MAP3K5: variants seen among roughly 807,000 people sequenced by gnomAD.
MAP3K5 encodes the protein ASK-1.
In MAP3K5, 56 loss-of-function variants were observed where a neutral mutation model predicts 158.7. That is an observed-to-expected ratio of 0.35 (90% confidence interval 0.28 to 0.44). The LOEUF is 0.44. Among genes scored for constraint, MAP3K5 ranks in the 20% least tolerant of loss-of-function variants. The probability of loss-of-function intolerance (pLI) is 1.00; values close to 1 mark genes in which losing one functional copy is unlikely to be tolerated. For synonymous variants in MAP3K5, 579 were observed against 601.7 expected (o/e 0.96, Z 0.55); for missense variants, 1,294 against 1,674.8 (o/e 0.77, Z 3.97).
At chr6:136,654,731 T>C (rs1778669519) in intron 10 of MAP3K5, among the ~76,000 whole-genome samples, 1 of 152,124 alleles carries the variant, frequency 6.6e-6, no homozygotes, top group Non-Finnish European at 1.5e-5. Flanking sequence ...CAAGTATAAG[T>C]CCTCATGCCT....
chr6:136,668,392 T>C (rs1405494482), intron 8 of MAP3K5, among the ~76,000 whole-genome samples: 1 of 150,600 alleles, frequency 6.6e-6, no homozygotes, highest in Non-Finnish European at 1.5e-5. Flanking sequence ...TCCAAAAAAA[T>C]TTTTCTTTTA....
At chr6:136,641,764 G>A (rs1360388157) in intron 12 of MAP3K5, among the ~76,000 whole-genome samples, 3 of 151,324 alleles carry the variant, frequency 2.0e-5, no homozygotes, top group African/African-American at 4.9e-5. Flanking sequence ...CTACACGGGC[G>A]GATCACTGAG....
intron 6 of MAP3K5, 29 bp downstream of exon 6, chr6:136,695,922 C>A (rs1418744767): frequency 7.5e-7 from 1 of 1,325,984 alleles, no homozygotes; most frequent in East Asian, 2.3e-5. Flanking sequence ...TATGTTAACG[C>A]ATTCTGGAAG....
intron 26 of MAP3K5, among the ~76,000 whole-genome samples, chr6:136,563,839 G>A (rs1172077821): frequency 6.6e-6 from 1 of 152,158 alleles, no homozygotes; most frequent in African/African-American, 2.4e-5. Context: ...ATAAATCGTT[G>A]CATAAACTAC....
rs1776056117 is a variant in MAP3K5, at chr6:136,605,336, A to G, written c.2552T>C (p.Ile851Thr). 1 of 1,613,798 alleles carries G rather than the reference A, an allele frequency of 6.2e-7. No individual in the cohort carries two copies. The highest frequency in any genetic ancestry group is 8.5e-7 in the Non-Finnish European group (1 of 1,179,942). ...GTLQYMAPEIIDKGPRGYGKA... is the reference protein window; with the variant it reads ...GTLQYMAPEITDKGPRGYGKA... ...TCCGTAGCCTCTTGGTCCTTTATCT[A>G]TTATTTCTGGTGCCATATACTGGAG... Residue 851 changes from isoleucine (I) to threonine (T), a missense_variant, in exon 19 of 30, where the codon ATA (isoleucine) becomes ACA (threonine). Transcript: ENST00000359015.
At chr6:136,631,006 G>A (rs567190435) in intron 14 of MAP3K5, among the ~76,000 whole-genome samples, 1 of 152,278 alleles carries the variant, frequency 6.6e-6, no homozygotes, top group African/African-American at 2.4e-5. Flanking sequence ...GGCTGAGGTG[G>A]GAGGATCGCT....
At chr6:136,753,883 G>A (rs533934787) in intron 1 of MAP3K5, among the ~76,000 whole-genome samples, 33 of 152,372 alleles carry the variant, frequency 2.2e-4, no homozygotes, top group African/African-American at 7.7e-4. Context: ...AAGGGAGAAC[G>A]CAGCCCTGCT....
At chr6:136,779,441 T>TTA (rs1784524536) in intron 1 of MAP3K5, among the ~76,000 whole-genome samples, 2 of 43,012 alleles carry the variant, frequency 4.6e-5, no homozygotes, top group African/African-American at 2.2e-4. Context: ...ACACCCTGTC[T>TTA]CAAAAAAAAA....
chr6:136,574,683 CTTTTTTTTTT>C (rs1223054758), intron 25 of MAP3K5, among the ~76,000 whole-genome samples: 2 of 108,550 alleles, frequency 1.8e-5, no homozygotes, highest in African/African-American at 3.7e-5. Flanking sequence ...AGATTAAACA[CTTTTTTTTTT>C]TTTTTTTTTT....
At chr6:136,600,150 C>A (rs567831241) in intron 21 of MAP3K5, among the ~76,000 whole-genome samples, 1 of 151,792 alleles carries the variant, frequency 6.6e-6, no homozygotes, top group African/African-American at 2.4e-5. Flanking sequence ...TGATCAACCA[C>A]ACATCCAACT....
intron 8 of MAP3K5, among the ~76,000 whole-genome samples, chr6:136,661,387 G>C (rs894689651): frequency 6.6e-6 from 1 of 152,044 alleles, no homozygotes; most frequent in Admixed American, 6.6e-5. Context: ...TCTTCTATCT[G>C]GATATAATTT....
intron 1 of MAP3K5, among the ~76,000 whole-genome samples, chr6:136,762,131 A>G (rs1286277425): frequency 2.6e-5 from 4 of 152,232 alleles, no homozygotes; most frequent in Non-Finnish European, 5.9e-5. Flanking sequence ...TAATTTTAGC[A>G]GAGAACAACA....
At chr6:136,791,638 A>C in intron 1 of MAP3K5, 72 bp downstream of exon 1, 1 of 1,522,110 alleles carries the variant, frequency 6.6e-7, no homozygotes, top group Non-Finnish European at 9.0e-7. Context: ...CAGAAAAATG[A>C]AATGCCCCGA....
At position 136,562,485 on chromosome 6, in the gene MAP3K5, A is replaced by C. The variant is rs761405108; in HGVS notation, c.3874+18T>G. 2 of 1,389,038 alleles carry C rather than the reference A, an allele frequency of 1.4e-6. No individual in the cohort carries two copies. Among genetic ancestry groups the C allele is most frequent in the South Asian group, 1.3e-5 (1 of 78,176 alleles). The allele number at this position is 1,389,038 out of a possible 1,614,324, so 86.0% of individuals were successfully genotyped here. On this transcript the variant is annotated intron_variant, in intron 27 of 29. Transcript: ENST00000359015. Reference sequence around the variant, plus strand: ...AGCCTGGCTGAACAGTATTACTATAAAACTTTCTGCTATTCACCTATGGGT... The same window carrying C: ...AGCCTGGCTGAACAGTATTACTATACAACTTTCTGCTATTCACCTATGGGT...
At chr6:136,600,047 C>G (rs960182586) in intron 21 of MAP3K5, among the ~76,000 whole-genome samples, 1 of 152,114 alleles carries the variant, frequency 6.6e-6, no homozygotes, top group East Asian at 1.9e-4. Context: ...CTACTCTGGG[C>G]TGACTGGCTT....
At chr6:136,657,246 A>G (rs1328445247) in intron 9 of MAP3K5, among the ~76,000 whole-genome samples, 1 of 152,206 alleles carries the variant, frequency 6.6e-6, no homozygotes, top group Non-Finnish European at 1.5e-5. Context: ...CTCAAAAGAA[A>G]AAGTTAGGAA....
chr6:136,773,224 T>C (rs1224122413), intron 1 of MAP3K5, among the ~76,000 whole-genome samples: 2 of 152,172 alleles, frequency 1.3e-5, no homozygotes, highest in Non-Finnish European at 2.9e-5. Context: ...ATCTGAGGCA[T>C]GAATACCAGC....
At chr6:136,611,085 G>A (rs956693925) in intron 18 of MAP3K5, among the ~76,000 whole-genome samples, 197 bp downstream of exon 18, 1 of 127,032 alleles carries the variant, frequency 7.9e-6, no homozygotes. Context: ...TCCAGCCTAG[G>A]TGACAGGGCA....
At chr6:136,608,505 G>C (rs957162636) in intron 18 of MAP3K5, among the ~76,000 whole-genome samples, 1 of 152,148 alleles carries the variant, frequency 6.6e-6, no homozygotes, top group Non-Finnish European at 1.5e-5. Context: ...GGACTGGGTT[G>C]GAGTGTGAGA....
Sources: allele counts gnomAD v4.1 joint callset (sites outside exome capture counted in the v4.1 genomes callset), GRCh38; gene constraint gnomAD v4.1.1; transcripts MANE v1.5; gene names NCBI Gene and HGNC (gene_info 2026-07-23, HGNC 2026-07-21).